The following ZNF385D variants were observed in gnomAD, a reference collection of about 807,000 sequenced individuals.
ZNF385D encodes the protein zinc finger protein 385D.
Under a neutral mutation model 35.8 loss-of-function variants are expected in ZNF385D, and 15 were observed. The ratio of observed to expected loss-of-function variants is 0.42; its 90% CI spans 0.28 to 0.64. The LOEUF is 0.64. ZNF385D is among the 30% of genes least tolerant of loss of function. ZNF385D has a pLI of 0.23. For missense variants in ZNF385D, 474 were observed against 494.6 expected (o/e 0.96, Z 0.39); for synonymous variants, 212 against 186.8 (o/e 1.13, Z -1.10).
chr3:21,690,719 T>A (rs190563924), intron 1 of ZNF385D, among the ~76,000 whole-genome samples: 1 of 152,296 alleles, frequency 6.6e-6, no homozygotes, highest in African/African-American at 2.4e-5. Flanking sequence ...CAACATCAAA[T>A]GGGATCGTGT....
intron 3 of ZNF385D, among the ~76,000 whole-genome samples, chr3:21,897,676 T>A (rs1467553850): frequency 6.6e-6 from 1 of 152,116 alleles, no homozygotes; most frequent in Non-Finnish European, 1.5e-5. Flanking sequence ...GTGGATTGGA[T>A]GACATGTTCA....
chr3:21,537,791 T>G (rs1046841075), intron 3 of ZNF385D, among the ~76,000 whole-genome samples: 1 of 152,112 alleles, frequency 6.6e-6, no homozygotes, highest in African/African-American at 2.4e-5. Context: ...CTATGAAATC[T>G]AAGGATTTTG....
chr3:21,696,866 T>C (rs1222003236), intron 1 of ZNF385D, among the ~76,000 whole-genome samples: 2 of 152,246 alleles, frequency 1.3e-5, no homozygotes, highest in Non-Finnish European at 2.9e-5. Context: ...TGGTTTTCTC[T>C]GGCTGGTAAT....
At chr3:21,575,039 T>C (rs2125688059) in intron 2 of ZNF385D, among the ~76,000 whole-genome samples, 1 of 152,266 alleles carries the variant, frequency 6.6e-6, no homozygotes, top group East Asian at 1.9e-4. Context: ...TGACAAAATA[T>C]TAACAGTTGT....
intron 3 of ZNF385D, among the ~76,000 whole-genome samples, chr3:21,550,293 G>A (rs2062521410): frequency 6.6e-6 from 1 of 151,996 alleles, no homozygotes; most frequent in Admixed American, 6.6e-5. Flanking sequence ...ATTAAGACAT[G>A]ATTTTAAGAA....
intron 3 of ZNF385D, among the ~76,000 whole-genome samples, chr3:21,869,722 T>C (rs1053555344): frequency 1.3e-5 from 2 of 152,142 alleles, no homozygotes; most frequent in African/African-American, 2.4e-5. Context: ...TGAACTGTAT[T>C]AATTAGTTAA....
At chr3:22,353,455 C>G (rs1239848770) in intron 2 of ZNF385D, among the ~76,000 whole-genome samples, 4 of 152,122 alleles carry the variant, frequency 2.6e-5, no homozygotes, top group Non-Finnish European at 5.9e-5. Flanking sequence ...TGGTAGCCCT[C>G]CAAGTACAGG....
chr3:21,854,827 G>C (rs1559693738), intron 3 of ZNF385D, among the ~76,000 whole-genome samples: 2 of 151,942 alleles, frequency 1.3e-5, no homozygotes, highest in Admixed American at 6.6e-5. Context: ...AATAATAACT[G>C]AGTAAATTAA....
upstream of ZNF385D, among the ~76,000 whole-genome samples, chr3:21,753,723 T>G (rs920993274): frequency 6.6e-6 from 1 of 151,922 alleles, no homozygotes; most frequent in African/African-American, 2.4e-5. Flanking sequence ...CATAAAACTA[T>G]TTTATTTATT....
At chr3:22,326,105 A>G (rs1046179730) in intron 2 of ZNF385D, among the ~76,000 whole-genome samples, 1 of 152,132 alleles carries the variant, frequency 6.6e-6, no homozygotes, top group Admixed American at 6.5e-5. Flanking sequence ...GGAAGTTCCT[A>G]AAGCATGCAG....
At chr3:21,983,489 T>A (rs1181240996) in intron 3 of ZNF385D, among the ~76,000 whole-genome samples, 4 of 129,778 alleles carry the variant, frequency 3.1e-5, no homozygotes, top group East Asian at 4.3e-4. Flanking sequence ...ACAAAGGACA[T>A]GAACTCATCA....
intron 1 of ZNF385D, among the ~76,000 whole-genome samples, chr3:21,737,106 A>G (rs1575563039): frequency 6.6e-6 from 1 of 152,138 alleles, no homozygotes; most frequent in South Asian, 2.1e-4. Flanking sequence ...CGCCTGGATA[A>G]TTTTTGTATT....
At chr3:22,028,343 GA>G (rs34309747) in intron 3 of ZNF385D, among the ~76,000 whole-genome samples, 2 of 152,186 alleles carry the variant, frequency 1.3e-5, no homozygotes, top group Admixed American at 1.3e-4. Context: ...GTGGGCCCAT[GA>G]AAAAAGTGGC....
chr3:21,700,265 G>C (rs187488697), intron 1 of ZNF385D, among the ~76,000 whole-genome samples: 2 of 152,222 alleles, frequency 1.3e-5, no homozygotes, highest in East Asian at 3.9e-4. Context: ...GGACCAGAAG[G>C]AAGTGGGGGA....
At chr3:21,624,908 C>A (rs2065095334) in intron 2 of ZNF385D, among the ~76,000 whole-genome samples, 1 of 152,020 alleles carries the variant, frequency 6.6e-6, no homozygotes, top group Non-Finnish European at 1.5e-5. Context: ...ATCTGCCAAA[C>A]CCGCCTTACC....
intron 3 of ZNF385D, among the ~76,000 whole-genome samples, chr3:21,823,710 C>G (rs1019866192): frequency 2.0e-5 from 3 of 152,146 alleles, no homozygotes; most frequent in Admixed American, 2.0e-4. Flanking sequence ...AACTCCTTAA[C>G]CACAGAAGGT....
chr3:21,738,282 G>A (rs945650158), intron 1 of ZNF385D, among the ~76,000 whole-genome samples: 2 of 152,232 alleles, frequency 1.3e-5, no homozygotes, highest in African/African-American at 4.8e-5. Context: ...GTGTGGTGAG[G>A]AGGTCTGTGT....
chr3:21,734,440 A>T (rs1249765798), intron 1 of ZNF385D, among the ~76,000 whole-genome samples: 2 of 152,088 alleles, frequency 1.3e-5, no homozygotes, highest in African/African-American at 2.4e-5. Flanking sequence ...TTATTGATGA[A>T]TTTGTGAGAT....
At chr3:21,788,910 C>T (rs890333695) in intron 3 of ZNF385D, among the ~76,000 whole-genome samples, 4 of 152,118 alleles carry the variant, frequency 2.6e-5, no homozygotes, top group African/African-American at 9.7e-5. Flanking sequence ...TTGAGACCTG[C>T]TGGTCTGGAT....
Sources: allele counts gnomAD v4.1 joint callset (sites outside exome capture counted in the v4.1 genomes callset), GRCh38; gene constraint gnomAD v4.1.1; transcripts MANE v1.5; gene names NCBI Gene and HGNC (gene_info 2026-07-23, HGNC 2026-07-21).